Variants in UGT2B4 observed in about 807,000 individuals in gnomAD.
UGT2B4 encodes UDP-glucuronosyltransferase 2B4.
UGT2B4 carries 49 observed loss-of-function variants against 49.8 expected under a neutral mutation model. The ratio of observed to expected loss-of-function variants is 0.98; its 90% CI spans 0.78 to 1.25. The LOEUF is 1.25. Ranked by LOEUF, UGT2B4 falls within the 50% of genes most tolerant of loss-of-function variation. UGT2B4 has a pLI of 0.00. For synonymous variants in UGT2B4, 246 were observed against 217.7 expected (o/e 1.13, Z -1.14); for missense variants, 729 against 627.7 (o/e 1.16, Z -1.73).
intron 4 of UGT2B4, 152 bp from the exon 5 acceptor site, chr4:69,485,579 T>C: frequency 9.4e-7 from 1 of 1,061,774 alleles, no homozygotes; most frequent in Non-Finnish European, 1.4e-6. Flanking sequence ...CGCCTACTTC[T>C]GCTGGAGATG....
rs1329961950 is a variant in UGT2B4, at chr4:69,495,722, A to G, written c.140T>C (p.Val47Ala). ...MNIKTILDELVQRGHEVTVLA... is the reference protein window; with the variant it reads ...MNIKTILDELAQRGHEVTVLA... ...TACAGTCACCTCATGACCTCTCTGG[A>G]CAAGTTCATCCAGGATTGTCTTTAT... Residue 47 changes from valine to alanine, a missense_variant, in exon 1 of 6, where the codon GTC becomes GCC. Coordinates refer to ENST00000305107, the MANE Select transcript of UGT2B4 (RefSeq NM_021139.3). 1 of 1,614,094 alleles carries G rather than the reference A, an allele frequency of 6.2e-7. No individual in the cohort carries two copies. Among genetic ancestry groups the G allele is most frequent in the East Asian group, 2.2e-5 (1 of 44,858 alleles).
intron 1 of UGT2B4, among the ~76,000 whole-genome samples, chr4:69,504,700 T>C (rs1197049012): frequency 6.6e-6 from 1 of 152,158 alleles, no homozygotes; most frequent in African/African-American, 2.4e-5. Context: ...CCTGAGAATT[T>C]TCCCTACCTA....
upstream of UGT2B4, among the ~76,000 whole-genome samples, chr4:69,500,606 G>GC (rs1553896493): frequency 0.21 from 21,168 of 99,494 alleles, 2,678 homozygotes; most frequent in East Asian, 0.43. Context: ...AGAAAGCAAG[G>GC]AAGAAAGAAA....
intron 1 of UGT2B4, among the ~76,000 whole-genome samples, chr4:69,520,022 T>C (rs554242110): frequency 6.6e-6 from 1 of 152,356 alleles, no homozygotes; most frequent in Non-Finnish European, 1.5e-5. Flanking sequence ...ATAAATTTTA[T>C]GTTTAGAAAC....
At chr4:69,500,654 AAAGAAAGAAAGAAAGGAAGGAAAG>A (rs1728292441), upstream of UGT2B4, among the ~76,000 whole-genome samples, 1 of 122,830 alleles carries the variant, frequency 8.1e-6, no homozygotes, top group Non-Finnish European at 2.0e-5. Flanking sequence ...AGAAAGAAAG[AAAGAAAGAAAGAAAGGAAGGAAAG>A]AAAAGAAAGC....
chr4:69,502,593 G>A (rs979142994), intron 1 of UGT2B4, among the ~76,000 whole-genome samples: 5 of 152,102 alleles, frequency 3.3e-5, no homozygotes, highest in Non-Finnish European at 5.9e-5. Context: ...AGACTGTAAT[G>A]TGGTTGCCTG....
At chr4:69,498,521 T>C, upstream of UGT2B4, among the ~76,000 whole-genome samples, 1 of 151,584 alleles carries the variant, frequency 6.6e-6, no homozygotes, top group Admixed American at 6.6e-5. Flanking sequence ...TTTTTTTTGG[T>C]TGATTGGTAG....
intron 1 of UGT2B4, among the ~76,000 whole-genome samples, chr4:69,501,136 G>A (rs1186562027): frequency 6.6e-6 from 1 of 152,084 alleles, no homozygotes; most frequent in African/African-American, 2.4e-5. Context: ...CGGGGATGGA[G>A]CTGGGGGTTG....
intron 1 of UGT2B4, among the ~76,000 whole-genome samples, chr4:69,507,147 T>C (rs900325575): frequency 1.6e-4 from 25 of 152,250 alleles, no homozygotes; most frequent in African/African-American, 6.0e-4. Context: ...TGGAGAGATT[T>C]CCCTTGAAAA....
At chr4:69,486,468 C>G (rs775268800) in intron 4 of UGT2B4, 141 bp downstream of exon 4, 1 of 496,242 alleles carries the variant, frequency 2.0e-6, no homozygotes, top group Non-Finnish European at 3.3e-6. Flanking sequence ...TCCCCCGGGA[C>G]TGGAAAATAA....
chr4:69,493,846 TG>T lies in UGT2B4; in HGVS notation c.722-6del. 1.3e-6 allele frequency: 2 copies of T among 1,577,372 alleles called. No homozygotes were observed. Among genetic ancestry groups the T allele is most frequent in the Non-Finnish European group, 1.7e-6 (2 of 1,168,092 alleles). ...CAGATAACGTAGTGGGTCTTCCTGATGGGGGAAAAAAAAAGAAAAGATAGAT... is the reference window on the plus strand; with the variant it reads ...CAGATAACGTAGTGGGTCTTCCTGATGGGGAAAAAAAAAGAAAAGATAGAT... On this transcript the variant is annotated splice_polypyrimidine_tract_variant and splice_region_variant and intron_variant, in intron 1 of 5. Coordinates refer to ENST00000305107, the MANE Select transcript of UGT2B4 (RefSeq NM_021139.3).
chr4:69,496,945 A>AG (rs1453771466), upstream of UGT2B4, among the ~76,000 whole-genome samples: 45 of 18,196 alleles, frequency 2.5e-3, no homozygotes, highest in Middle Eastern at 0.05. Flanking sequence ...GGACAAAGGG[A>AG]GGGGAAAAAA....
chr4:69,500,764 T>C (rs550834557), upstream of UGT2B4, among the ~76,000 whole-genome samples: 1 of 152,012 alleles, frequency 6.6e-6, no homozygotes, highest in Non-Finnish European at 1.5e-5. Flanking sequence ...GATGAGTGAA[T>C]GTGCAACTCC....
At chr4:69,525,970 C>G (rs58866998) in exon 1 of UGT2B4, 60,337 of 189,744 alleles carry the variant, frequency 0.32, 10,162 homozygotes, top group African/African-American at 0.35. Flanking sequence ...GCTTGGTGGC[C>G]GGCGCCTGTA....
chr4:69,498,460 G>T (rs1371064873), upstream of UGT2B4, among the ~76,000 whole-genome samples: 1 of 151,010 alleles, frequency 6.6e-6, no homozygotes, highest in Admixed American at 6.6e-5. Flanking sequence ...GATACACAGA[G>T]AATGGAGAAA....
chr4:69,493,915 G>A, intron 1 of UGT2B4, 74 bp from the exon 2 acceptor site: 2 of 1,510,952 alleles, frequency 1.3e-6, no homozygotes, highest in Non-Finnish European at 1.8e-6. Context: ...AAAGAAGTTA[G>A]AATAATGTGG....
rs925317325 is a variant in UGT2B4 at position 69,492,696 on chromosome 4, T to C, written c.870+997A>G. Among the ~76,000 whole-genome samples, 3 of 152,132 alleles carry C rather than the reference T, an allele frequency of 2.0e-5. No individual in the cohort carries two copies. The South Asian group carries it at 6.2e-4, about 31-fold the overall frequency. ...AACCATAATTGCAAAATAATATTTC[T>C]GAATCACTAACTATATGCCAGAGAC... On this transcript the variant is annotated intron_variant, in intron 2 of 5. Coordinates refer to ENST00000305107, the MANE Select transcript of UGT2B4 (RefSeq NM_021139.3).
At chr4:69,512,488 C>A (rs1436393529) in intron 1 of UGT2B4, among the ~76,000 whole-genome samples, 1 of 151,826 alleles carries the variant, frequency 6.6e-6, no homozygotes, top group East Asian at 1.9e-4. Context: ...GAGTTTTATT[C>A]TAGATGGCTG....
chr4:69,490,440 C>T (rs1237289534), intron 2 of UGT2B4, among the ~76,000 whole-genome samples: 4 of 152,036 alleles, frequency 2.6e-5, no homozygotes, highest in African/African-American at 9.7e-5. Flanking sequence ...CACCAGAATG[C>T]GAGAGACTGC....
Sources: allele counts gnomAD v4.1 joint callset (sites outside exome capture counted in the v4.1 genomes callset), GRCh38; gene constraint gnomAD v4.1.1; transcripts MANE v1.5; gene names NCBI Gene and HGNC (gene_info 2026-07-23, HGNC 2026-07-21).